HTR1F: variants seen among roughly 807,000 people sequenced by gnomAD.
HTR1F encodes the protein 5-hydroxytryptamine (serotonin) receptor 1F, G protein-coupled.
HTR1F carries 17 observed loss-of-function variants against 24.0 expected under a neutral mutation model. That is an observed-to-expected ratio of 0.71 (90% CI 0.48 to 1.06). The LOEUF (loss-of-function observed/expected upper bound fraction) is 1.06, where lower values mean the gene tolerates loss of function less well. Among genes scored for constraint, HTR1F ranks in the 50% least tolerant of loss-of-function variants. The pLI, the probability that HTR1F is intolerant of heterozygous loss-of-function variation, is 0.00. For missense variants in HTR1F, 391 were observed against 427.8 expected (o/e 0.91, Z 0.76); for synonymous variants, 186 against 156.8 (o/e 1.19, Z -1.39).
intron 2 of HTR1F, among the ~76,000 whole-genome samples, chr3:87,851,792 G>T (rs775822275): frequency 6.6e-5 from 10 of 151,508 alleles, no homozygotes; most frequent in Admixed American, 1.3e-4. Context: ...TTGAAATAAA[G>T]TAGTGCTAAG....
chr3:87,869,416 GATAGATAGATAGATAGATAC>G (rs1248378553), intron 2 of HTR1F, among the ~76,000 whole-genome samples: 1,432 of 114,538 alleles, frequency 0.013, 19 homozygotes, highest in South Asian at 0.022. Context: ...TAGATAGATA[GATAGATAGATAGATAGATAC>G]ATAGATAGAT....
intron 2 of HTR1F, among the ~76,000 whole-genome samples, chr3:87,989,398 A>G (rs1647497923): frequency 6.6e-6 from 1 of 152,176 alleles, no homozygotes; most frequent in South Asian, 2.1e-4. Flanking sequence ...AGCTGTCATT[A>G]TTATAATGGG....
chr3:87,933,448 G>A (rs1377335357), intron 2 of HTR1F, among the ~76,000 whole-genome samples: 1 of 152,186 alleles, frequency 6.6e-6, no homozygotes, highest in East Asian at 1.9e-4. Context: ...TGTATATCTA[G>A]AAAACCCCAT....
chr3:87,873,131 CACAG>C (rs1202250204), intron 2 of HTR1F, among the ~76,000 whole-genome samples: 99 of 112,458 alleles, frequency 8.8e-4, no homozygotes, highest in East Asian at 1.5e-3. Flanking sequence ...CACACACACA[CACAG>C]AGAGATTTAT....
intron 2 of HTR1F, among the ~76,000 whole-genome samples, chr3:87,924,134 T>G (rs1704072523): frequency 6.6e-6 from 1 of 152,070 alleles, no homozygotes; most frequent in African/African-American, 2.4e-5. Context: ...GGGCTTTTCT[T>G]TTTTGGAAGA....
At chr3:87,874,224 AC>A (rs1705620435) in intron 2 of HTR1F, among the ~76,000 whole-genome samples, 1 of 152,004 alleles carries the variant, frequency 6.6e-6, no homozygotes, top group Non-Finnish European at 1.5e-5. Context: ...TATGTAGAAA[AC>A]CCTAAAGATT....
At chr3:87,828,605 T>C (rs1315952333) in intron 2 of HTR1F, among the ~76,000 whole-genome samples, 1 of 152,212 alleles carries the variant, frequency 6.6e-6, no homozygotes, top group Non-Finnish European at 1.5e-5. Flanking sequence ...AATTAGGCAC[T>C]GAGTAGAGTA....
chr3:87,991,509 C>T lies in HTR1F; in HGVS notation c.760C>T (p.Pro254Ser), dbSNP rs1379746382. The stretch of plus-strand genomic sequence containing the variant: ...TGTACTAGAAAAGTCTTTATCTGAC[C>T]CATCAACAGACTTTGATAAAATTCA... ...SYVLEKSLSD[P>S]STDFDKIHST... The change falls in exon 3 of 3, where the codon CCA becomes TCA. Residue 254 changes from proline (P) to serine (S), a missense_variant. Coordinates refer to ENST00000319595, the MANE Select transcript of HTR1F (RefSeq NM_001322209.2). 6.2e-7 allele frequency: 1 copy of T among 1,613,510 alleles called. No homozygotes were observed. The highest frequency in any genetic ancestry group is 8.5e-7 in the Non-Finnish European group (1 of 1,179,588).
intron 2 of HTR1F, among the ~76,000 whole-genome samples, chr3:87,924,560 C>A (rs1428456785): frequency 6.6e-6 from 1 of 152,082 alleles, no homozygotes; most frequent in Non-Finnish European, 1.5e-5. Context: ...TAAGGCTGGC[C>A]TAGTGGTGAC....
At chr3:87,937,942 AAG>A (rs1017210821) in intron 2 of HTR1F, among the ~76,000 whole-genome samples, 8 of 142,086 alleles carry the variant, frequency 5.6e-5, no homozygotes, top group South Asian at 2.2e-4. Context: ...AAAAAAAAAA[AAG>A]AAGAAAGAAA....
intron 2 of HTR1F, among the ~76,000 whole-genome samples, chr3:87,896,891 A>C (rs948725664): frequency 6.6e-6 from 1 of 152,314 alleles, no homozygotes; most frequent in South Asian, 2.1e-4. Context: ...GATAGCTGTT[A>C]TCAAAAAGAC....
chr3:87,891,308 A>G (rs896703044), intron 2 of HTR1F, among the ~76,000 whole-genome samples: 1 of 152,140 alleles, frequency 6.6e-6, no homozygotes, highest in Admixed American at 6.5e-5. Context: ...AAATAAAAAA[A>G]ATGCCATTCT....
At chr3:87,843,504 T>C (rs1028915329) in intron 2 of HTR1F, among the ~76,000 whole-genome samples, 6 of 148,286 alleles carry the variant, frequency 4.0e-5, no homozygotes, top group Non-Finnish European at 7.5e-5. Context: ...ATCCTGACTT[T>C]CTTTTTCTTT....
At chr3:87,990,315 TCA>T (rs1402035088) in intron 2 of HTR1F, among the ~76,000 whole-genome samples, 3 of 152,158 alleles carry the variant, frequency 2.0e-5, no homozygotes, top group Admixed American at 6.6e-5. Context: ...ACTCAACTAG[TCA>T]GTCAGTAGTA....
At chr3:87,873,121 C>T (rs1450919242) in intron 2 of HTR1F, among the ~76,000 whole-genome samples, 2 of 142,854 alleles carry the variant, frequency 1.4e-5, no homozygotes, top group South Asian at 2.2e-4. Context: ...CACACACACA[C>T]ACACACACAC....
intron 2 of HTR1F, among the ~76,000 whole-genome samples, chr3:87,836,827 C>T (rs1704692628): frequency 6.6e-6 from 1 of 151,968 alleles, no homozygotes; most frequent in African/African-American, 2.4e-5. Flanking sequence ...AATCTTGGAG[C>T]CCATTTTTTC....
At chr3:87,857,008 C>A (rs547548763) in intron 2 of HTR1F, among the ~76,000 whole-genome samples, 1 of 151,968 alleles carries the variant, frequency 6.6e-6, no homozygotes, top group Non-Finnish European at 1.5e-5. Flanking sequence ...CTGTTATTTC[C>A]CCAGACTTAT....
intron 2 of HTR1F, among the ~76,000 whole-genome samples, chr3:87,972,231 T>A (rs1424234024): frequency 1.3e-5 from 2 of 152,226 alleles, no homozygotes; most frequent in Admixed American, 1.3e-4. Context: ...AATTTTTACT[T>A]TGCCAGATTT....
intron 2 of HTR1F, among the ~76,000 whole-genome samples, chr3:87,879,513 C>T (rs1705742773): frequency 6.6e-6 from 1 of 152,070 alleles, no homozygotes; most frequent in African/African-American, 2.4e-5. Context: ...TAGCACAAAA[C>T]CCTCTCTCCC....
Sources: allele counts gnomAD v4.1 joint callset (sites outside exome capture counted in the v4.1 genomes callset), GRCh38; gene constraint gnomAD v4.1.1; transcripts MANE v1.5; gene names NCBI Gene and HGNC (gene_info 2026-07-23, HGNC 2026-07-21).